GNAQ: variants seen among roughly 807,000 people sequenced by gnomAD.
GNAQ encodes the protein G protein subunit alpha q, also known as guanine nucleotide-binding protein G(q) subunit alpha.
GNAQ carries 8 observed loss-of-function variants against 43.9 expected under a neutral mutation model. The ratio of observed to expected loss-of-function variants is 0.18; its 90% CI spans 0.11 to 0.33. The LOEUF (loss-of-function observed/expected upper bound fraction) is 0.33, where lower values mean the gene tolerates loss of function less well. Among genes scored for constraint, GNAQ ranks in the 10% least tolerant of loss-of-function variants. The pLI, the probability that GNAQ is intolerant of heterozygous loss-of-function variation, is 1.00. For synonymous variants in GNAQ, 155 were observed against 170.7 expected (o/e 0.91, Z 0.71); for missense variants, 158 against 450.8 (o/e 0.35, Z 5.88).
rs549393979 is a variant in GNAQ at position 77,767,742 on chromosome 9, C to T, written c.735+26721G>A. Among the ~76,000 whole-genome samples, 140 of 152,262 alleles carry T rather than the reference C, an allele frequency of 9.2e-4. 2 individuals are homozygous for T. The South Asian group carries it at 0.012, about 13-fold the overall frequency. On this transcript the variant is annotated intron_variant, in intron 5 of 6. Transcript: ENST00000286548. ...TTTAGATCCCAATTTGGTCTGTCTT[C>T]GTAGGATTTTATATGCACATCCTCC... is the stretch of plus-strand genomic sequence containing the variant.
intron 2 of GNAQ, among the ~76,000 whole-genome samples, chr9:77,830,840 CA>C (rs35641916): frequency 3.2e-4 from 2 of 6,296 alleles, no homozygotes; most frequent in African/African-American, 2.8e-3. Flanking sequence ...TGTTATACCA[CA>C]CACACACACA....
At chr9:77,788,674 T>C (rs988415647) in intron 5 of GNAQ, among the ~76,000 whole-genome samples, 1 of 152,226 alleles carries the variant, frequency 6.6e-6, no homozygotes, top group African/African-American at 2.4e-5. Flanking sequence ...TCTATAATTA[T>C]ATACTCTTTT....
chr9:77,721,650 T>A, intron 6 of GNAQ, 137 bp from the exon 7 acceptor site: 1 of 618,984 alleles, frequency 1.6e-6, no homozygotes, highest in Non-Finnish European at 2.8e-6. Context: ...TATAATCATT[T>A]TCCCTAACAC....
At chr9:77,814,262 G>A (rs1826976361) in intron 3 of GNAQ, among the ~76,000 whole-genome samples, 2 of 152,082 alleles carry the variant, frequency 1.3e-5, no homozygotes, top group South Asian at 2.1e-4. Flanking sequence ...AGGAACAAAG[G>A]GACGAAGGAC....
chr9:78,000,938 G>C (rs1823636093), intron 1 of GNAQ, among the ~76,000 whole-genome samples: 1 of 152,058 alleles, frequency 6.6e-6, no homozygotes, highest in Non-Finnish European at 1.5e-5. Flanking sequence ...ATAAACACAA[G>C]ATTAAAAATC....
At chr9:77,941,793 G>A (rs760736246) in intron 1 of GNAQ, among the ~76,000 whole-genome samples, 9 of 152,030 alleles carry the variant, frequency 5.9e-5, no homozygotes, top group Non-Finnish European at 1.2e-4. Context: ...GTTTTATTAC[G>A]TTTAACTAAA....
chr9:77,913,879 A>G (rs569989243), intron 2 of GNAQ, among the ~76,000 whole-genome samples: 2 of 152,182 alleles, frequency 1.3e-5, no homozygotes, highest in Admixed American at 1.3e-4. Flanking sequence ...TGTTGTGTGC[A>G]CTCTTCTGTA....
At chr9:77,767,274 C>A (rs981870861) in intron 5 of GNAQ, among the ~76,000 whole-genome samples, 2 of 152,056 alleles carry the variant, frequency 1.3e-5, no homozygotes, top group African/African-American at 4.8e-5. Flanking sequence ...CTGTGTGCCG[C>A]AAGAGGTTCA....
intron 1 of GNAQ, among the ~76,000 whole-genome samples, chr9:78,030,190 G>C (rs1022205588): frequency 3.9e-5 from 6 of 152,134 alleles, no homozygotes; most frequent in Non-Finnish European, 5.9e-5. Flanking sequence ...TGCCAAGAGA[G>C]TAACTGAGAG....
At chr9:77,980,434 T>C (rs1823354624) in intron 1 of GNAQ, among the ~76,000 whole-genome samples, 2 of 151,918 alleles carry the variant, frequency 1.3e-5, no homozygotes, top group Admixed American at 6.6e-5. Context: ...CTAAAGAAAA[T>C]ATACAAAATG....
rs76551397 is a variant in GNAQ, at chr9:78,024,492, C to T, written c.136+6608G>A. Among the ~76,000 whole-genome samples, 1,045 of 152,278 alleles carry T rather than the reference C, an allele frequency of 6.9e-3. 12 individuals carry two copies. The highest frequency in any genetic ancestry group is 0.023 in the African/African-American group (948 of 41,556). ...ACAAGAGCAAGGATCTTTGCCTTCA[C>T]GGAGCTTCCAATCCACTTAGAAACA... On this transcript the variant is annotated intron_variant, in intron 1 of 6. Transcript: ENST00000286548.
At chr9:77,955,420 C>T (rs1823029615) in intron 1 of GNAQ, among the ~76,000 whole-genome samples, 1 of 152,072 alleles carries the variant, frequency 6.6e-6, no homozygotes, top group Admixed American at 6.6e-5. Flanking sequence ...GGATTACAGG[C>T]GTGAGCCACT....
chr9:77,990,839 C>A (rs1480482710), intron 1 of GNAQ, among the ~76,000 whole-genome samples: 2 of 152,150 alleles, frequency 1.3e-5, no homozygotes, highest in Admixed American at 6.5e-5. Context: ...TCTCAGCAAA[C>A]AAGGAGATGT....
intron 1 of GNAQ, among the ~76,000 whole-genome samples, chr9:77,987,151 A>C (rs1823450832): frequency 6.6e-6 from 1 of 152,078 alleles, no homozygotes; most frequent in African/African-American, 2.4e-5. Flanking sequence ...GGGAAAGCAA[A>C]AACAATACTA....
chr9:78,022,487 C>T (rs531955471), intron 1 of GNAQ, among the ~76,000 whole-genome samples: 1 of 152,092 alleles, frequency 6.6e-6, no homozygotes, highest in Admixed American at 6.5e-5. Context: ...ATATATGTAA[C>T]GAATCCAAAA....
At chr9:77,853,785 A>AC (rs1827708897) in intron 2 of GNAQ, among the ~76,000 whole-genome samples, 3 of 150,252 alleles carry the variant, frequency 2.0e-5, no homozygotes, top group Non-Finnish European at 3.0e-5. Context: ...AAAAAAAAAA[A>AC]AAAAAAAAAA....
At position 77,919,420 on chromosome 9, in the gene GNAQ, C is replaced by T. The variant is rs12336712; in HGVS notation, c.321+2741G>A. Among the ~76,000 whole-genome samples the T allele has an allele frequency of 6.3e-3, 956 of 152,108 alleles. 10 individuals are homozygous for T. The highest frequency in any genetic ancestry group is 0.022 in the African/African-American group (917 of 41,472). On this transcript the variant is annotated intron_variant, in intron 2 of 6. Transcript: ENST00000286548. ...ACAAGCTAGGCAATTACAAACACTT[C>T]GCTATGGATATGCTAAAGAACAGTA...
chr9:77,795,478 G>A (rs1024537902), intron 4 of GNAQ, among the ~76,000 whole-genome samples: 1 of 152,132 alleles, frequency 6.6e-6, no homozygotes, highest in Non-Finnish European at 1.5e-5. Context: ...AGAATGAGCG[G>A]TTTAGGTACA....
intron 2 of GNAQ, among the ~76,000 whole-genome samples, chr9:77,820,724 A>G (rs975446594): frequency 1.3e-5 from 2 of 152,212 alleles, no homozygotes; most frequent in African/African-American, 4.8e-5. Context: ...TGGGAACCAC[A>G]GTAGCAAAGA....
Sources: gnomAD v4.1 joint callset for allele counts (sites outside exome capture counted in the v4.1 genomes callset) on GRCh38, gnomAD v4.1.1 for gene constraint, MANE v1.5 for transcripts, NCBI Gene and HGNC (gene_info 2026-07-23, HGNC 2026-07-21) for gene names.